SPOCK1: variants seen among roughly 807,000 people sequenced by gnomAD.
The protein encoded by SPOCK1 is SPARC (osteonectin), cwcv and kazal like domains proteoglycan 1.
A neutral mutation model predicts 55.3 loss-of-function variants in SPOCK1; 23 were observed. The observed-to-expected ratio is 0.42, with a 90% CI of 0.30 to 0.59. SPOCK1 has a LOEUF of 0.59. Among genes scored for constraint, SPOCK1 ranks in the 20% least tolerant of loss-of-function variants. SPOCK1 has a pLI of 0.22. For missense variants in SPOCK1, 499 were observed against 552.5 expected (o/e 0.90, Z 0.97); for synonymous variants, 226 against 221.0 (o/e 1.02, Z -0.20).
At chr5:137,360,159 C>T (rs1163103489) in intron 2 of SPOCK1, among the ~76,000 whole-genome samples, 1 of 152,230 alleles carries the variant, frequency 6.6e-6, no homozygotes, top group Non-Finnish European at 1.5e-5. Context: ...GTTTGCCACA[C>T]CAGCCATCTC....
At chr5:137,442,272 G>A (rs985595687) in intron 2 of SPOCK1, among the ~76,000 whole-genome samples, 3 of 152,156 alleles carry the variant, frequency 2.0e-5, no homozygotes, top group African/African-American at 4.8e-5. Flanking sequence ...ATCATAGTTC[G>A]GGGACGGGGG....
intron 2 of SPOCK1, among the ~76,000 whole-genome samples, chr5:137,383,037 G>C (rs138858571): frequency 6.6e-5 from 10 of 152,090 alleles, no homozygotes; most frequent in African/African-American, 2.4e-4. Context: ...TCTGTACCTC[G>C]TGCCTCAGAA....
At chr5:137,030,317 C>T (rs937284166) in intron 6 of SPOCK1, among the ~76,000 whole-genome samples, 4 of 152,188 alleles carry the variant, frequency 2.6e-5, no homozygotes, top group South Asian at 2.1e-4. Flanking sequence ...GACAAATGAG[C>T]GGTTTAAAGG....
chr5:137,386,284 T>C (rs1167212246), intron 2 of SPOCK1, among the ~76,000 whole-genome samples: 1 of 152,244 alleles, frequency 6.6e-6, no homozygotes, highest in Non-Finnish European at 1.5e-5. Flanking sequence ...ATTATCAAGA[T>C]GTCAGTATTT....
chr5:137,147,330 A>G (rs1244029414), intron 3 of SPOCK1, among the ~76,000 whole-genome samples: 4 of 152,238 alleles, frequency 2.6e-5, no homozygotes, highest in Non-Finnish European at 5.9e-5. Flanking sequence ...TCATCTTAAT[A>G]ATCTGTAATA....
intron 3 of SPOCK1, among the ~76,000 whole-genome samples, chr5:137,243,350 T>C (rs1488644982): frequency 6.6e-6 from 1 of 152,246 alleles, no homozygotes; most frequent in Non-Finnish European, 1.5e-5. Flanking sequence ...GTATTTTATA[T>C]TTTAAATTCA....
intron 3 of SPOCK1, among the ~76,000 whole-genome samples, chr5:137,211,239 C>T (rs2127081766): frequency 6.6e-6 from 1 of 152,312 alleles, no homozygotes; most frequent in South Asian, 2.1e-4. Flanking sequence ...AGAGCAGGAT[C>T]TTCAGAGTCA....
intron 2 of SPOCK1, among the ~76,000 whole-genome samples, chr5:137,370,372 T>C (rs975703908): frequency 1.3e-5 from 2 of 152,162 alleles, no homozygotes; most frequent in Non-Finnish European, 1.5e-5. Flanking sequence ...AGATTTAAAA[T>C]GCAATGAACA....
intron 3 of SPOCK1, among the ~76,000 whole-genome samples, chr5:137,229,370 G>C (rs1276636252): frequency 1.3e-5 from 2 of 152,168 alleles, no homozygotes; most frequent in African/African-American, 4.8e-5. Context: ...TAAAAGGGGG[G>C]CTGGTCTCGA....
At chr5:137,096,253 T>C (rs1378136660) in intron 5 of SPOCK1, among the ~76,000 whole-genome samples, 1 of 151,596 alleles carries the variant, frequency 6.6e-6, no homozygotes. Context: ...GGCACTCCAC[T>C]CTTTCCAGGT....
intron 3 of SPOCK1, among the ~76,000 whole-genome samples, chr5:137,191,560 A>T (rs1281171525): frequency 1.3e-5 from 2 of 152,240 alleles, no homozygotes; most frequent in Non-Finnish European, 2.9e-5. Context: ...CGCATGAATC[A>T]TAAATTTCTT....
chr5:137,423,953 AT>A (rs1273786629), intron 2 of SPOCK1, among the ~76,000 whole-genome samples: 1 of 151,208 alleles, frequency 6.6e-6, no homozygotes, highest in Non-Finnish European at 1.5e-5. Flanking sequence ...TTTCAAGTTT[AT>A]TTTTGTATAT....
At chr5:137,270,373 G>A (rs1756938676) in intron 2 of SPOCK1, among the ~76,000 whole-genome samples, 1 of 152,154 alleles carries the variant, frequency 6.6e-6, no homozygotes, top group South Asian at 2.1e-4. Context: ...AGTCATTTAA[G>A]TTCAATAGCT....
intron 5 of SPOCK1, among the ~76,000 whole-genome samples, chr5:137,068,633 A>G (rs1472900000): frequency 6.6e-6 from 1 of 152,232 alleles, no homozygotes; most frequent in Non-Finnish European, 1.5e-5. Context: ...AACAATTATC[A>G]GCATTTGTAT....
intron 6 of SPOCK1, among the ~76,000 whole-genome samples, chr5:137,024,318 G>GGGGGC (rs1554093479): frequency 2.7e-5 from 4 of 148,714 alleles, no homozygotes; most frequent in Non-Finnish European, 5.9e-5. Flanking sequence ...GTTTGAAGGG[G>GGGGGC]GGGGGGTAGT....
chr5:137,403,183 C>T (rs987661810), intron 2 of SPOCK1, among the ~76,000 whole-genome samples: 30 of 152,172 alleles, frequency 2.0e-4, no homozygotes, highest in Non-Finnish European at 3.1e-4. Context: ...GGAAGATGAT[C>T]AAGGAAAACT....
At chr5:137,292,998 T>C (rs1757402461) in intron 2 of SPOCK1, among the ~76,000 whole-genome samples, 1 of 152,060 alleles carries the variant, frequency 6.6e-6, no homozygotes, top group South Asian at 2.1e-4. Flanking sequence ...GGGTCACTAG[T>C]AATCCCCTGT....
intron 2 of SPOCK1, among the ~76,000 whole-genome samples, chr5:137,278,806 G>A (rs1483027459): frequency 6.6e-6 from 1 of 152,198 alleles, no homozygotes; most frequent in Non-Finnish European, 1.5e-5. Context: ...ACGTACTGAT[G>A]TCATGTGGAC....
At chr5:137,240,392 G>A (rs1225325175) in intron 3 of SPOCK1, among the ~76,000 whole-genome samples, 2 of 152,186 alleles carry the variant, frequency 1.3e-5, no homozygotes, top group East Asian at 1.9e-4. Context: ...TGGCAAGAAC[G>A]GAGCAAGGTG....
Sources: gnomAD v4.1 joint callset for allele counts (sites outside exome capture counted in the v4.1 genomes callset) on GRCh38, gnomAD v4.1.1 for gene constraint, MANE v1.5 for transcripts, NCBI Gene and HGNC (gene_info 2026-07-23, HGNC 2026-07-21) for gene names.